The following COL11A1 variants were observed in gnomAD, a reference collection of about 807,000 sequenced individuals.
The protein encoded by COL11A1 is collagen alpha-1(XI) chain.
Under a neutral mutation model 265.2 loss-of-function variants are expected in COL11A1, and 74 were observed. The observed-to-expected ratio is 0.28, with a 90% CI of 0.23 to 0.34. The LOEUF (loss-of-function observed/expected upper bound fraction) is 0.34. COL11A1 is among the 10% of genes least tolerant of loss of function. The pLI is 1.00. For missense variants in COL11A1, 2,165 were observed against 2,263.6 expected (o/e 0.96, Z 0.88); for synonymous variants, 816 against 727.6 (o/e 1.12, Z -1.96).
At chr1:103,107,543 CT>C (rs1558063897) in intron 1 of COL11A1, among the ~76,000 whole-genome samples, 3 of 150,042 alleles carry the variant, frequency 2.0e-5, no homozygotes, top group African/African-American at 7.4e-5. Flanking sequence ...ATTCACCCCC[CT>C]GGTTTCTCTT....
At chr1:102,957,982 T>C (rs1660531644) in intron 41 of COL11A1, among the ~76,000 whole-genome samples, 1 of 152,162 alleles carries the variant, frequency 6.6e-6, no homozygotes, top group Admixed American at 6.5e-5. Context: ...TCACATTCTC[T>C]TCCTCAGAAC....
In COL11A1 at chr1:102,877,805, C is replaced by A; in HGVS notation, c.*214G>T. On this transcript the variant is annotated 3_prime_UTR_variant, in exon 67 of 67. Transcript: ENST00000370096. ...TGGGAATCAAGAATCAGCCCTGTTT[C>A]CATCTTAGCCACACCAACTTATATC... 2.0e-6 allele frequency: 1 copy of A among 491,684 alleles called. No homozygotes were observed. Among genetic ancestry groups the A allele is most frequent in the Non-Finnish European group, 3.7e-6 (1 of 273,440 alleles). The allele number at this position is 491,684 out of a possible 1,614,324, so 30.5% of individuals were successfully genotyped here.
chr1:102,937,673 C>T (rs1013012788), intron 44 of COL11A1, among the ~76,000 whole-genome samples: 2 of 152,104 alleles, frequency 1.3e-5, no homozygotes, highest in Non-Finnish European at 1.5e-5. Context: ...TGTTCAGGCC[C>T]GGTTCCCCTT....
At chr1:103,006,451 C>T in intron 15 of COL11A1, 136 bp from the exon 16 acceptor site, 1 of 493,780 alleles carries the variant, frequency 2.0e-6, no homozygotes, top group Non-Finnish European at 3.4e-6. Flanking sequence ...AAAATTATTT[C>T]CATGTAAAAG....
intron 4 of COL11A1, among the ~76,000 whole-genome samples, chr1:103,071,869 G>GTATATATA (rs67216828): frequency 1.4e-5 from 2 of 147,670 alleles, no homozygotes; most frequent in African/African-American, 4.9e-5. Context: ...ATATGTGTTT[G>GTATATATA]TATATATATA....
At chr1:102,917,551 T>G (rs1179066793) in intron 49 of COL11A1, among the ~76,000 whole-genome samples, 2 of 151,992 alleles carry the variant, frequency 1.3e-5, no homozygotes, top group East Asian at 3.9e-4. Context: ...TGTTTTCTTA[T>G]GTACCACATT....
intron 54 of COL11A1, among the ~76,000 whole-genome samples, chr1:102,900,868 T>C (rs1291365149): frequency 1.3e-5 from 2 of 152,168 alleles, no homozygotes; most frequent in African/African-American, 2.4e-5. Flanking sequence ...TTTTTCCCAA[T>C]TTTATTTATT....
At position 102,879,884 on chromosome 1, in the gene COL11A1, G is replaced by C. The variant is rs776745225; in HGVS notation, c.5073C>G (p.Ile1691Met). Residue 1691 changes from isoleucine (I) to methionine (M), a missense_variant, in exon 66 of 67, where the codon ATC becomes ATG. By Grantham distance (10) the Ile-to-Met change is conservative. Coordinates refer to ENST00000370096, the MANE Select transcript of COL11A1 (RefSeq NM_001854.4). ...TCAGGAATGTCATTTGCACCATATTGATGGAATTTCCTTCAACATCTAAGT... is the reference window on the plus strand; with the variant it reads ...TCAGGAATGTCATTTGCACCATATTCATGGAATTTCCTTCAACATCTAAGT... The part of the protein sequence containing the change: ...LSYLDVEGNS[I>M]NMVQMTFLKL... The C allele has an allele frequency of 6.2e-7, 1 of 1,613,620 alleles. No individual in the cohort carries two copies. Among genetic ancestry groups the C allele is most frequent in the Non-Finnish European group, 8.5e-7 (1 of 1,179,656 alleles).
intron 5 of COL11A1, among the ~76,000 whole-genome samples, chr1:103,026,694 A>G (rs1049317062): frequency 3.3e-5 from 5 of 152,132 alleles, no homozygotes; most frequent in South Asian, 2.1e-4. Context: ...TTGCTATGCA[A>G]TGTTTCTCTA....
intron 54 of COL11A1, among the ~76,000 whole-genome samples, 172 bp from the exon 55 acceptor site, chr1:102,899,166 A>G (rs1652850261): frequency 6.6e-6 from 1 of 152,004 alleles, no homozygotes; most frequent in African/African-American, 2.4e-5. Context: ...TTATGTACAA[A>G]CTTCCTCTTA....
intron 1 of COL11A1, among the ~76,000 whole-genome samples, chr1:103,084,262 C>G (rs1019196561): frequency 3.9e-5 from 6 of 152,046 alleles, no homozygotes; most frequent in Admixed American, 6.6e-5. Flanking sequence ...ACCTCCTACC[C>G]CCTGACAACC....
chr1:103,075,903 G>T (rs901031416), intron 3 of COL11A1, among the ~76,000 whole-genome samples: 1 of 152,144 alleles, frequency 6.6e-6, no homozygotes, highest in Non-Finnish European at 1.5e-5. Context: ...TTTGAATTGA[G>T]CAAAGATTTA....
At chr1:103,003,497 A>G (rs991052034) in intron 20 of COL11A1, among the ~76,000 whole-genome samples, 2 of 152,186 alleles carry the variant, frequency 1.3e-5, no homozygotes, top group Non-Finnish European at 2.9e-5. Flanking sequence ...CTTTGATTCT[A>G]TAATATTACA....
At chr1:102,975,218 TC>T (rs955944878) in intron 35 of COL11A1, among the ~76,000 whole-genome samples, 1 of 150,242 alleles carries the variant, frequency 6.7e-6, no homozygotes, top group Admixed American at 6.6e-5. Context: ...CTAGAAACAT[TC>T]ATACAAGGAA....
intron 4 of COL11A1, among the ~76,000 whole-genome samples, chr1:103,056,657 G>C (rs753054105): frequency 6.6e-6 from 1 of 152,058 alleles, no homozygotes; most frequent in African/African-American, 2.4e-5. Flanking sequence ...TAACCTGCTG[G>C]GATTTCATCA....
chr1:102,921,356 T>A (rs1655968002), intron 48 of COL11A1, among the ~76,000 whole-genome samples, 162 bp downstream of exon 48: 1 of 152,240 alleles, frequency 6.6e-6, no homozygotes, highest in Admixed American at 6.5e-5. Flanking sequence ...TCCATTTATT[T>A]CATTGTATAA....
At chr1:103,073,792 A>G (rs538887070) in intron 4 of COL11A1, among the ~76,000 whole-genome samples, 1 of 152,012 alleles carries the variant, frequency 6.6e-6, no homozygotes, top group Admixed American at 6.6e-5. Context: ...GTATGTTTGT[A>G]TATATATATG....
intron 5 of COL11A1, among the ~76,000 whole-genome samples, chr1:103,027,145 G>T (rs1394965007): frequency 3.3e-5 from 5 of 150,992 alleles, no homozygotes. Flanking sequence ...AATTTCTTCT[G>T]TATTAAAAGA....
At chr1:102,978,559 A>T in intron 35 of COL11A1, 149 bp downstream of exon 35, 1 of 858,602 alleles carries the variant, frequency 1.2e-6, no homozygotes, top group Non-Finnish European at 1.9e-6. Context: ...GAAGAGGAAT[A>T]AATTAAAAAA....
Sources: allele counts gnomAD v4.1 joint callset (sites outside exome capture counted in the v4.1 genomes callset), GRCh38; gene constraint gnomAD v4.1.1; transcripts MANE v1.5; gene names NCBI Gene and HGNC (gene_info 2026-07-23, HGNC 2026-07-21).